NCK1: variants seen among roughly 807,000 people sequenced by gnomAD.
NCK1 encodes NCK adaptor protein 1.
A neutral mutation model predicts 36.6 loss-of-function variants in NCK1; 19 were observed. The observed-to-expected ratio is 0.52, with a 90% CI of 0.36 to 0.76. The LOEUF (loss-of-function observed/expected upper bound fraction) is 0.76, where lower values mean the gene tolerates loss of function less well. NCK1 is among the 30% of genes least tolerant of loss of function. NCK1 has a pLI of 0.00. For missense variants in NCK1, 358 were observed against 445.6 expected, an observed-to-expected ratio of 0.80 and a Z score of 1.77; for synonymous variants, 165 against 156.0, an observed-to-expected ratio of 1.06 and a Z score of -0.43.
chr3:136,918,750 T>C (rs570395820), intron 1 of NCK1, among the ~76,000 whole-genome samples: 4 of 152,330 alleles, frequency 2.6e-5, no homozygotes, highest in East Asian at 1.9e-4. Context: ...AATTCTTCCA[T>C]TGTGGCCCAG....
chr3:136,947,029 T>A (rs1253239979), intron 3 of NCK1: 1 of 152,202 alleles, frequency 6.6e-6, no homozygotes, highest in African/African-American at 2.4e-5. Context: ...ATTTATTAAA[T>A]CATGGTTAAT....
chr3:136,948,200 A>G, intron 3 of NCK1, 59 bp from the exon 4 acceptor site: 5 of 1,345,134 alleles, frequency 3.7e-6, no homozygotes, highest in East Asian at 2.4e-5. Flanking sequence ...TTTAATATAA[A>G]AATACTGATA....
rs546633089 is a variant in NCK1, at chr3:136,897,573, A to G, written c.-18-30411A>G. ...CCTTAGCCTACTTTTAAATGGGATT[A>G]TTGGTGGGGTTTTTGTTTTTGTTGT... On this transcript the variant is annotated intron_variant, in intron 1 of 3. Coordinates refer to ENST00000481752, the MANE Select transcript of NCK1 (RefSeq NM_001291999.2). 3.9e-5 allele frequency among the ~76,000 whole-genome samples: 6 copies of G among 152,204 alleles called. No homozygotes were observed. The South Asian group carries it at 1.2e-3, about 32-fold the overall frequency.
intron 1 of NCK1, among the ~76,000 whole-genome samples, chr3:136,878,700 A>ACTAAG (rs1938843639): frequency 3.7e-5 from 2 of 54,432 alleles, no homozygotes; most frequent in South Asian, 1.5e-3. Flanking sequence ...GTTGTATCTC[A>ACTAAG]ATAAAGCTAT....
Position 136,928,212 on chromosome 3 carries a change from C to G in NCK1, c.211C>G (p.Leu71Val). The stretch of plus-strand genomic sequence containing the variant: ...TCGGAAAGCATCTATTGTGAAAAAC[C>G]TAAAGGATACCTTAGGTAAGATATT... ...SARKASIVKN[L>V]KDTLGIGKVK... Residue 71 changes from leucine (L) to valine (V), a missense_variant, in exon 2 of 4, where the codon CTA (leucine) becomes GTA (valine). Around this residue, in one of 3 missense-constraint regions of NCK1, gnomAD observed 143 missense variants for 162.4 expected, o/e 0.88. Transcript: ENST00000481752. 3 of 1,610,992 alleles carry G rather than the reference C, an allele frequency of 1.9e-6. No individual in the cohort carries two copies. Among genetic ancestry groups the G allele is most frequent in the Non-Finnish European group, 2.5e-6 (3 of 1,179,244 alleles).
At chr3:136,893,198 A>ACACACACACACACACCATAT (rs1347213828) in intron 1 of NCK1, among the ~76,000 whole-genome samples, 5 of 132,264 alleles carry the variant, frequency 3.8e-5, no homozygotes, top group Non-Finnish European at 4.9e-5. Context: ...ATATACACAC[A>ACACACACACACACACCATAT]TGTGCAAGTA....
At chr3:136,889,359 ATG>A (rs1371689614) in intron 1 of NCK1, 1 of 156,566 alleles carries the variant, frequency 6.4e-6, no homozygotes, top group African/African-American at 2.4e-5. Context: ...TGATGTTCAG[ATG>A]TGTTCGGAGT....
At chr3:136,889,934 T>C (rs1939190077) in intron 1 of NCK1, among the ~76,000 whole-genome samples, 1 of 152,192 alleles carries the variant, frequency 6.6e-6, no homozygotes, top group Non-Finnish European at 1.5e-5. Context: ...CCCAGCTGGC[T>C]TCACCCAGTG....
chr3:136,934,261 A>G (rs373816137), intron 2 of NCK1, among the ~76,000 whole-genome samples: 1 of 151,336 alleles, frequency 6.6e-6, no homozygotes, highest in South Asian at 2.1e-4. Flanking sequence ...AATACATGTC[A>G]TGGGGGTTTG....
intron 1 of NCK1, among the ~76,000 whole-genome samples, chr3:136,877,864 A>C (rs1938817624): frequency 1.3e-5 from 2 of 152,148 alleles, no homozygotes; most frequent in African/African-American, 4.8e-5. Flanking sequence ...GGATTTCTTG[A>C]AAATCTGTTT....
chr3:136,932,601 G>C (rs999542970), intron 2 of NCK1, among the ~76,000 whole-genome samples: 1 of 152,166 alleles, frequency 6.6e-6, no homozygotes, highest in Non-Finnish European at 1.5e-5. Context: ...TCTGTTCCCA[G>C]ACATATCACT....
At chr3:136,938,309 T>G (rs929324296) in intron 2 of NCK1, among the ~76,000 whole-genome samples, 2 of 152,226 alleles carry the variant, frequency 1.3e-5, no homozygotes, top group South Asian at 2.1e-4. Flanking sequence ...CAAATGATCC[T>G]TATTTTTCAC....
chr3:136,883,671 A>G (rs1028641245), intron 1 of NCK1, among the ~76,000 whole-genome samples: 1 of 152,176 alleles, frequency 6.6e-6, no homozygotes, highest in Non-Finnish European at 1.5e-5. Context: ...TTAGTCATTC[A>G]GTAGATATGT....
intron 1 of NCK1, among the ~76,000 whole-genome samples, chr3:136,903,440 T>C (rs949681927): frequency 3.3e-5 from 5 of 152,358 alleles, no homozygotes; most frequent in South Asian, 2.1e-4. Flanking sequence ...ATTTATTTAA[T>C]TGAGATGGAG....
At chr3:136,889,312 C>G (rs1287113222) in intron 1 of NCK1, 1 of 168,204 alleles carries the variant, frequency 5.9e-6, no homozygotes, top group Non-Finnish European at 1.2e-5. Flanking sequence ...GTGAGTGTTA[C>G]AGCTGTTAAG....
At chr3:136,888,908 T>C (rs567710878) in intron 1 of NCK1, among the ~76,000 whole-genome samples, 1 of 152,120 alleles carries the variant, frequency 6.6e-6, no homozygotes, top group South Asian at 2.1e-4. Flanking sequence ...GTTTGCTCTG[T>C]TGCTTGGACT....
chr3:136,922,084 C>T (rs1162980695), intron 1 of NCK1, among the ~76,000 whole-genome samples: 1 of 152,040 alleles, frequency 6.6e-6, no homozygotes, highest in African/African-American at 2.4e-5. Context: ...CGCCCGGCCA[C>T]TGAGTGGTTT....
chr3:136,863,975 C>T, intron 1 of NCK1, among the ~76,000 whole-genome samples: 1 of 151,900 alleles, frequency 6.6e-6, no homozygotes, highest in East Asian at 1.9e-4. Context: ...GTGGCGGGCG[C>T]CTATAGTCCC....
chr3:136,864,057 C>T (rs990435075), intron 1 of NCK1, among the ~76,000 whole-genome samples: 4 of 150,806 alleles, frequency 2.7e-5, no homozygotes, highest in East Asian at 2.0e-4. Context: ...GCCGAGATCG[C>T]GCCACTGCAC....
Sources: gnomAD v4.1 joint callset for allele counts (sites outside exome capture counted in the v4.1 genomes callset) on GRCh38, gnomAD v4.1.1 for gene constraint, gnomAD v4.1.1 regional missense constraint, MANE v1.5 for transcripts, NCBI Gene and HGNC (gene_info 2026-07-23, HGNC 2026-07-21) for gene names.